Variants in DPYSL2 observed in about 807,000 individuals in gnomAD.
The protein encoded by DPYSL2 is dihydropyrimidinase like 2, also known as dihydropyrimidinase-related protein 2.
In DPYSL2, 13 loss-of-function variants were observed where a neutral mutation model predicts 69.9. The observed-to-expected ratio is 0.19, with a 90% CI of 0.12 to 0.30. The LOEUF is 0.30. Ranked by LOEUF, DPYSL2 falls within the 10% of genes least tolerant of loss-of-function variation. The probability of loss-of-function intolerance (pLI) is 1.00; values close to 1 mark genes in which losing one functional copy is unlikely to be tolerated. For synonymous variants in DPYSL2, 326 were observed against 359.1 expected (o/e 0.91, Z 1.04); for missense variants, 587 against 918.9 (o/e 0.64, Z 4.67).
Position 26,517,641 on chromosome 8 carries a change from T to C in DPYSL2, c.354+2962T>C, listed in dbSNP as rs1426442197. Among the ~76,000 whole-genome samples the C allele has an allele frequency of 3.3e-5, 5 of 152,202 alleles. No homozygotes were observed. Among genetic ancestry groups the C allele is most frequent in the Non-Finnish European group, 7.3e-5 (5 of 68,044 alleles). On this transcript the variant is annotated intron_variant, in intron 1 of 13. Transcript: ENST00000521913. This position sits in a 1 kb window ranked among gnomAD's most constrained non-coding sequence, Gnocchi z 4.2. ...CCTCCATTCCACTCCAGACACAGCGTAGCCAGAACCAGTGGCTCCACCAGC... is the reference window on the plus strand; with the variant it reads ...CCTCCATTCCACTCCAGACACAGCGCAGCCAGAACCAGTGGCTCCACCAGC...
intron 1 of DPYSL2, among the ~76,000 whole-genome samples, chr8:26,523,655 CT>C (rs370588739): frequency 6.6e-6 from 1 of 151,518 alleles, no homozygotes; most frequent in East Asian, 1.9e-4. Context: ...AATTTCCTTA[CT>C]TTTTTTTTCT....
In DPYSL2 at chr8:26,655,637, TC is replaced by T; in HGVS notation, c.1969del (p.Arg657AlafsTer132). 1 of 1,608,130 alleles carries T rather than the reference TC, an allele frequency of 6.2e-7. No homozygotes were observed. ...CAGGTGCTCAGATTGATGACAACATTCCCCGCCGCACCACCCAGCGTATCGT... is the reference window on the plus strand; with the variant it reads ...CAGGTGCTCAGATTGATGACAACATTCCCGCCGCACCACCCAGCGTATCGT... ...LSGAQIDDNI[P>X]RRTTQRIVAP... is the part of the protein sequence containing the mutation. On this transcript the variant is annotated frameshift_variant, in exon 14 of 14. Coordinates refer to ENST00000521913, the MANE Select transcript of DPYSL2 (RefSeq NM_001197293.3). LOFTEE classifies it high-confidence loss of function.
chr8:26,635,174 G>T (rs1196803823), intron 8 of DPYSL2, among the ~76,000 whole-genome samples: 1 of 152,236 alleles, frequency 6.6e-6, no homozygotes, highest in Non-Finnish European at 1.5e-5. Flanking sequence ...GCAAGAGCTG[G>T]ACTTACTTTG....
rs1430868317 is a variant in DPYSL2 at position 26,620,526 on chromosome 8, A to G, written c.629-3617A>G. On this transcript the variant is annotated intron_variant, in intron 3 of 13. Transcript: ENST00000521913. This position sits in a 1 kb window ranked among gnomAD's most constrained non-coding sequence, Gnocchi z 4.5. ...TGCCACCAGATATTAAAATGTATCA[A>G]AAAGCTGCTCTATTTAGTACTGATT... Among the ~76,000 whole-genome samples, 1 of 152,176 alleles carries G rather than the reference A, an allele frequency of 6.6e-6. No homozygotes were observed. Among genetic ancestry groups the G allele is most frequent in the Non-Finnish European group, 1.5e-5 (1 of 68,036 alleles).
In DPYSL2 at chr8:26,587,358, G is replaced by A. The variant is rs1801629903; in HGVS notation, c.628+3375G>A. ...ATCTCCCTCTTCCTCCCAACTCCCC[G>A]CCACCCCGCCCCTGGGCACTCCACC... On this transcript the variant is annotated intron_variant, in intron 3 of 13. Transcript: ENST00000521913. This position sits in a 1 kb window ranked among gnomAD's most constrained non-coding sequence, Gnocchi z 4.2. Among the ~76,000 whole-genome samples, 1 of 151,990 alleles carries A rather than the reference G, an allele frequency of 6.6e-6. No individual in the cohort carries two copies. Among genetic ancestry groups the A allele is most frequent in the Non-Finnish European group, 1.5e-5 (1 of 68,002 alleles).
At chr8:26,590,243 T>A (rs1354950682) in intron 3 of DPYSL2, among the ~76,000 whole-genome samples, 2 of 152,250 alleles carry the variant, frequency 1.3e-5, no homozygotes, top group African/African-American at 4.8e-5. Flanking sequence ...AATCTGCCTG[T>A]GGCCTGGCGA....
At position 26,626,901 on chromosome 8, in the gene DPYSL2, G is replaced by A. The variant is rs113731136; in HGVS notation, c.855+223G>A. Among the ~76,000 whole-genome samples the A allele has an allele frequency of 1.6e-4, 24 of 152,260 alleles. No homozygotes were observed. In the East Asian group the frequency reaches 3.7e-3, roughly 23 times the overall value. On this transcript the variant is annotated intron_variant, in intron 5 of 13. Coordinates refer to ENST00000521913, the MANE Select transcript of DPYSL2 (RefSeq NM_001197293.3). This position sits in a 1 kb window ranked among gnomAD's most constrained non-coding sequence, Gnocchi z 4.3. ...CGCCCTGGATCTGAGGCTCTGCCCC[G>A]CACGGCGTGTGTGGGAGCGGCACTC...
chr8:26,603,916 G>A (rs1393951003), intron 3 of DPYSL2, among the ~76,000 whole-genome samples: 4 of 152,130 alleles, frequency 2.6e-5, no homozygotes, highest in Admixed American at 1.3e-4. Flanking sequence ...TCCACCTTTT[G>A]GCTATTGTAA....
chr8:26,610,126 TC>T lies in DPYSL2; in HGVS notation c.629-14016del, dbSNP rs1364860047. On this transcript the variant is annotated intron_variant, in intron 3 of 13. Transcript: ENST00000521913. The surrounding 1 kb of genome is among the most constrained non-coding windows in gnomAD (Gnocchi z 4.5). ...TCAAAGCCTGCTGGAGATGTAACTG[TC>T]GTGATGTTTCGTGGGATCTGCAAGA... Among the ~76,000 whole-genome samples the T allele has an allele frequency of 5.3e-5, 8 of 152,238 alleles. No homozygotes were observed. The highest frequency in any genetic ancestry group is 5.2e-4 in the Admixed American group (8 of 15,288).
intron 1 of DPYSL2, among the ~76,000 whole-genome samples, chr8:26,525,001 G>T (rs1196608896): frequency 1.3e-5 from 2 of 151,906 alleles, no homozygotes; most frequent in Non-Finnish European, 2.9e-5. Flanking sequence ...ATGTTAAAAT[G>T]TATTCATTTT....
At chr8:26,629,600 A>T (rs1209262848) in intron 7 of DPYSL2, among the ~76,000 whole-genome samples, 1 of 152,132 alleles carries the variant, frequency 6.6e-6, no homozygotes, top group Non-Finnish European at 1.5e-5. Context: ...AGGCCCGAGG[A>T]TGAGGGAGGC....
At chr8:26,521,819 T>G (rs998274663) in intron 1 of DPYSL2, among the ~76,000 whole-genome samples, 7 of 152,176 alleles carry the variant, frequency 4.6e-5, no homozygotes, top group African/African-American at 1.4e-4. Context: ...TAGTATAATG[T>G]TTTCAAGGTT....
intron 3 of DPYSL2, chr8:26,623,719 G>A (rs1318101266): frequency 9.0e-5 from 15 of 166,186 alleles, no homozygotes; most frequent in South Asian, 1.7e-4. Context: ...GGCCCGGTCC[G>A]TGTGGCTCTG....
intron 3 of DPYSL2, among the ~76,000 whole-genome samples, chr8:26,595,685 G>A (rs1375675805): frequency 6.6e-6 from 1 of 152,198 alleles, no homozygotes; most frequent in Non-Finnish European, 1.5e-5. Flanking sequence ...TTCCCCAGTG[G>A]GTGTTTCGGC....
chr8:26,636,876 G>C (rs1802931321), intron 8 of DPYSL2, among the ~76,000 whole-genome samples: 1 of 152,150 alleles, frequency 6.6e-6, no homozygotes, highest in African/African-American at 2.4e-5. Context: ...TAGTTGCTGG[G>C]ATTACAGGCG....
chr8:26,632,875 CTTTTT>C (rs1802811796), intron 7 of DPYSL2, among the ~76,000 whole-genome samples: 1 of 152,216 alleles, frequency 6.6e-6, no homozygotes, highest in African/African-American at 2.4e-5. Context: ...GTTTAATATG[CTTTTT>C]CAAGAGCCCT....
rs17055521 is a variant in DPYSL2 at position 26,620,863 on chromosome 8, A to G, written c.629-3280A>G. Among the ~76,000 whole-genome samples the G allele has an allele frequency of 0.013, 1,978 of 152,324 alleles. 21 individuals carry two copies. The highest frequency in any genetic ancestry group is 0.058 in the Middle Eastern group (17 of 294). ...GAGAGCCTAACTCTAAATTTAGCCAATGTATAAGACTAAATGTCAAGTATT... is the reference window on the plus strand; with the variant it reads ...GAGAGCCTAACTCTAAATTTAGCCAGTGTATAAGACTAAATGTCAAGTATT... On this transcript the variant is annotated intron_variant, in intron 3 of 13. Coordinates refer to ENST00000521913, the MANE Select transcript of DPYSL2 (RefSeq NM_001197293.3). The surrounding 1 kb of genome is among the most constrained non-coding windows in gnomAD (Gnocchi z 4.5).
chr8:26,637,607 C>CTGTTT (rs1802949792), intron 8 of DPYSL2: 1 of 152,130 alleles, frequency 6.6e-6, no homozygotes, highest in African/African-American at 2.4e-5. Flanking sequence ...GGCCTGACAC[C>CTGTTT]CAGCAGAGAT....
chr8:26,526,746 T>A (rs183320972), intron 1 of DPYSL2, among the ~76,000 whole-genome samples: 1 of 152,336 alleles, frequency 6.6e-6, no homozygotes, highest in African/African-American at 2.4e-5. Flanking sequence ...GGAACACAAC[T>A]GTAGTCGATC....
Sources: allele counts gnomAD v4.1 joint callset (sites outside exome capture counted in the v4.1 genomes callset), GRCh38; gene constraint gnomAD v4.1.1; non-coding constraint Gnocchi (gnomAD v3.1); transcripts MANE v1.5; gene names NCBI Gene and HGNC (gene_info 2026-07-23, HGNC 2026-07-21).